FARSB: variants seen among roughly 807,000 people sequenced by gnomAD.
FARSB encodes the protein phenylalanyl-tRNA synthetase subunit beta, also known as phenylalanine--tRNA ligase beta subunit.
In FARSB, 40 loss-of-function variants were observed where a neutral mutation model predicts 69.6. That is an observed-to-expected ratio of 0.57 (90% CI 0.45 to 0.75). The LOEUF is 0.75. Ranked by LOEUF, FARSB falls within the 30% of genes least tolerant of loss-of-function variation. The probability of loss-of-function intolerance (pLI) is 0.00; values close to 1 mark genes in which losing one functional copy is unlikely to be tolerated. For missense variants in FARSB, 632 were observed against 722.9 expected, an observed-to-expected ratio of 0.87 and a Z score of 1.44; for synonymous variants, 235 against 247.2, an observed-to-expected ratio of 0.95 and a Z score of 0.46.
chr2:222,645,234 T>G (rs536211229), intron 2 of FARSB, among the ~76,000 whole-genome samples: 13 of 152,292 alleles, frequency 8.5e-5, no homozygotes, highest in African/African-American at 3.1e-4. Flanking sequence ...ACAGGCAAAG[T>G]AATTGTCCAT....
Position 222,619,678 on chromosome 2 carries a change from G to A in FARSB, c.1311C>T (p.Val437=), listed in dbSNP as rs748609131. 17 of 1,605,552 alleles carry A rather than the reference G, an allele frequency of 1.1e-5. No individual in the cohort carries two copies. In the South Asian group the frequency reaches 1.9e-4, roughly 18 times the overall value. ...LGVDISATKA[V]HISNPKTAEF... is the part of the protein sequence containing the mutation. ...CAGCTGTTTTAGGATTACTTATGTG[G>A]ACTGCCTTTGTTGCAGAGATATCCA... The change falls in exon 14 of 17, where the codon GTC becomes GTT. Residue 437 remains valine, a synonymous_variant. Transcript: ENST00000281828.
chr2:222,617,674 G>A (rs1243726604), intron 14 of FARSB, among the ~76,000 whole-genome samples: 2 of 152,132 alleles, frequency 1.3e-5, no homozygotes, highest in African/African-American at 2.4e-5. Flanking sequence ...ACTTGAGGCC[G>A]GGAGTTCGAG....
chr2:222,580,188 G>A (rs998286019), intron 16 of FARSB, among the ~76,000 whole-genome samples: 2 of 151,800 alleles, frequency 1.3e-5, no homozygotes, highest in African/African-American at 4.8e-5. Context: ...GCTTTTTCAA[G>A]TGAGTTTGTA....
At chr2:222,610,524 TA>T (rs1056087959) in intron 15 of FARSB, among the ~76,000 whole-genome samples, 2 of 150,668 alleles carry the variant, frequency 1.3e-5, no homozygotes, top group Non-Finnish European at 3.0e-5. Context: ...AAATAAAAAT[TA>T]AAAAAAAAGC....
At chr2:222,624,681 G>T (rs772062026) in intron 11 of FARSB, 33 bp downstream of exon 11, 29 of 1,465,360 alleles carry the variant, frequency 2.0e-5, no homozygotes, top group Non-Finnish European at 2.6e-5. Flanking sequence ...CGTGTACTTT[G>T]TTCTTGAATT....
chr2:222,611,239 G>T lies in FARSB; in HGVS notation c.1462+2572C>A, dbSNP rs1042389113. ...AAGACAACAGGCAAAAGTAATACCA[G>T]AAATGAATCAATGGAGAAAATAGAG... On this transcript the variant is annotated intron_variant, in intron 15 of 16. Transcript: ENST00000281828. 6.4e-4 allele frequency among the ~76,000 whole-genome samples: 98 copies of T among 152,054 alleles called. 5 individuals are homozygous for T. The highest frequency in any genetic ancestry group is 2.9e-5 in the Non-Finnish European group (2 of 68,020).
intron 16 of FARSB, among the ~76,000 whole-genome samples, chr2:222,598,941 T>TAA (rs34617984): frequency 6.9e-6 from 1 of 145,594 alleles, no homozygotes; most frequent in Admixed American, 6.9e-5. Flanking sequence ...CTCATTTATT[T>TAA]AAAAAAAAAA....
chr2:222,648,740 A>C lies in FARSB; in HGVS notation c.114T>G (p.Ile38Met). 1 of 1,576,402 alleles carries C rather than the reference A, an allele frequency of 6.3e-7. No homozygotes were observed. The highest frequency in any genetic ancestry group is 8.7e-7 in the Non-Finnish European group (1 of 1,145,746). Residue 38 changes from isoleucine (I) to methionine (M), a missense_variant and splice_region_variant, in exon 2 of 17, where the codon ATT (isoleucine) becomes ATG (methionine). Transcript: ENST00000281828. The stretch of plus-strand genomic sequence containing the variant: ...AAATAGACAAATATCCAATACATAC[A>C]ATTTCATCAAGCTCCAGACCAAATT... Reference protein sequence around the residue: ...CFEFGLELDEITSEKEIISKE... With the variant: ...CFEFGLELDEMTSEKEIISKE...
intron 1 of FARSB, among the ~76,000 whole-genome samples, chr2:222,654,188 A>C (rs1489134045): frequency 1.3e-5 from 2 of 152,240 alleles, no homozygotes; most frequent in African/African-American, 4.8e-5. Context: ...CAGACTGAGC[A>C]TTCCCAATCC....
chr2:222,611,198 T>C (rs991154700), intron 15 of FARSB, among the ~76,000 whole-genome samples: 5 of 152,012 alleles, frequency 3.3e-5, no homozygotes, highest in African/African-American at 1.2e-4. Flanking sequence ...AAAAAAAGAA[T>C]AAAGAAGAAT....
intron 16 of FARSB, among the ~76,000 whole-genome samples, chr2:222,598,715 T>C (rs1347625587): frequency 6.6e-6 from 1 of 152,064 alleles, no homozygotes; most frequent in African/African-American, 2.4e-5. Context: ...GCAAGGATAC[T>C]GGGAGGCAGA....
chr2:222,629,793 T>C (rs908189044), intron 9 of FARSB, among the ~76,000 whole-genome samples: 13 of 152,230 alleles, frequency 8.5e-5, no homozygotes, highest in African/African-American at 3.1e-4. Context: ...CAGTCTCAAG[T>C]GCAGTGGCAC....
intron 16 of FARSB, among the ~76,000 whole-genome samples, chr2:222,599,676 G>A (rs1690509650): frequency 1.3e-5 from 2 of 152,170 alleles, no homozygotes; most frequent in South Asian, 4.1e-4. Flanking sequence ...GCTTAAAGGT[G>A]CCAGTAACTA....
intron 13 of FARSB, among the ~76,000 whole-genome samples, chr2:222,623,393 A>C (rs1691188572): frequency 6.6e-6 from 1 of 152,214 alleles, no homozygotes; most frequent in Non-Finnish European, 1.5e-5. Context: ...CACTCACATG[A>C]AACTATAAAA....
chr2:222,586,387 T>A (rs1347440079), intron 16 of FARSB, among the ~76,000 whole-genome samples: 2 of 152,172 alleles, frequency 1.3e-5, no homozygotes, highest in East Asian at 3.8e-4. Context: ...GAACAACCGG[T>A]ACCAGCCACT....
rs1689662068 is a variant in FARSB at position 222,568,143 on chromosome 2, A to G, written c.*3728T>C. 1 of 152,216 alleles carries G rather than the reference A, an allele frequency of 6.6e-6. No individual in the cohort carries two copies. Among genetic ancestry groups the G allele is most frequent in the South Asian group, 2.1e-4 (1 of 4,826 alleles). 9.4% of individuals were successfully genotyped at this position (152,216 alleles called of 1,614,324 possible). ...AGGAAAATGTCCAAACTAAGGAACA[A>G]TACAGGCTAAATTGTTAACAGCAGT... On this transcript the variant is annotated 3_prime_UTR_variant, in exon 17 of 17. Coordinates refer to ENST00000281828, the MANE Select transcript of FARSB (RefSeq NM_005687.5). The surrounding 1 kb of genome is among the most constrained non-coding windows in gnomAD (Gnocchi z 4.3).
intron 14 of FARSB, among the ~76,000 whole-genome samples, chr2:222,616,302 T>C (rs1305087603): frequency 6.6e-6 from 1 of 151,560 alleles, no homozygotes; most frequent in Admixed American, 6.6e-5. Flanking sequence ...AAAAAAAAAA[T>C]TGATGGGAGG....
intron 16 of FARSB, among the ~76,000 whole-genome samples, chr2:222,575,842 G>A (rs1689826438): frequency 6.6e-6 from 1 of 152,162 alleles, no homozygotes; most frequent in South Asian, 2.1e-4. Context: ...GGACCTTGGG[G>A]GTAATTCCTG....
At chr2:222,627,937 G>A (rs1691318521) in intron 10 of FARSB, among the ~76,000 whole-genome samples, 1 of 152,198 alleles carries the variant, frequency 6.6e-6, no homozygotes, top group Admixed American at 6.5e-5. Flanking sequence ...GAACCACGAA[G>A]TGACTGTGAT....
Sources: allele counts gnomAD v4.1 joint callset (sites outside exome capture counted in the v4.1 genomes callset), GRCh38; gene constraint gnomAD v4.1.1; non-coding constraint Gnocchi (gnomAD v3.1); transcripts MANE v1.5; gene names NCBI Gene and HGNC (gene_info 2026-07-23, HGNC 2026-07-21).